Variants in TAB2 observed in about 807,000 individuals in gnomAD.
The protein encoded by TAB2 is TGF-beta-activated kinase 1 and MAP3K7-binding protein 2.
A neutral mutation model predicts 65.0 loss-of-function variants in TAB2; 3 were observed. That is an observed-to-expected ratio of 0.05 (90% CI 0.02 to 0.12). The LOEUF is 0.12. Ranked by LOEUF, TAB2 falls within the 10% of genes least tolerant of loss-of-function variation. TAB2 has a pLI of 1.00. For synonymous variants in TAB2, 298 were observed against 285.1 expected (o/e 1.05, Z -0.46); for missense variants, 623 against 840.3 (o/e 0.74, Z 3.20).
At chr6:149,232,075 G>A (rs1363072943) in intron 1 of TAB2, among the ~76,000 whole-genome samples, 1 of 152,172 alleles carries the variant, frequency 6.6e-6, no homozygotes, top group African/African-American at 2.4e-5. Flanking sequence ...GGAAAACTCT[G>A]TGAACTTACA....
intron 1 of TAB2, among the ~76,000 whole-genome samples, chr6:149,349,455 T>G (rs1484993135): frequency 6.6e-6 from 1 of 151,786 alleles, no homozygotes; most frequent in Non-Finnish European, 1.5e-5. Context: ...AAGAAAGAGT[T>G]TTTTGAAATC....
At chr6:149,294,230 T>C (rs1199229544) in intron 1 of TAB2, among the ~76,000 whole-genome samples, 1 of 152,170 alleles carries the variant, frequency 6.6e-6, no homozygotes, top group Non-Finnish European at 1.5e-5. Flanking sequence ...CTTGGTAGGA[T>C]TGGTTCCTAC....
chr6:149,309,694 C>G (rs1161821765), intron 1 of TAB2, among the ~76,000 whole-genome samples: 2 of 142,044 alleles, frequency 1.4e-5, no homozygotes, highest in Non-Finnish European at 3.0e-5. Flanking sequence ...ACCACGCCTG[C>G]CCTCAATTAT....
rs555645030 is a variant in TAB2 at position 149,243,431 on chromosome 6, A to T, written c.-121+24655A>T. The T allele has an allele frequency of 2.0e-5, 3 of 152,372 alleles. No homozygotes were observed. In the South Asian group the frequency reaches 6.2e-4, roughly 32 times the overall value. The allele number at this position is 152,372 out of a possible 1,614,324, so 9.4% of individuals were successfully genotyped here. The stretch of plus-strand genomic sequence containing the variant: ...GTAGACTAGTCAGAAGTCTTGATGA[A>T]TGTTGAAGGAGACATCATGGTAATT... On this transcript the variant is annotated intron_variant, in intron 1 of 1. Coordinates refer to the TAB2 transcript ENST00000606202.
chr6:149,250,867 A>G (rs1777844965), intron 1 of TAB2, among the ~76,000 whole-genome samples: 1 of 152,184 alleles, frequency 6.6e-6, no homozygotes, highest in Admixed American at 6.5e-5. Flanking sequence ...CTTGTTTAAC[A>G]TATTCACCTG....
intron 1 of TAB2, among the ~76,000 whole-genome samples, chr6:149,308,436 G>A (rs1779106809): frequency 6.6e-6 from 1 of 152,122 alleles, no homozygotes; most frequent in African/African-American, 2.4e-5. Flanking sequence ...AGTTTTGTTA[G>A]AGTGAAATTG....
At chr6:149,393,408 TG>T (rs376995322) in intron 3 of TAB2, among the ~76,000 whole-genome samples, 12 of 152,348 alleles carry the variant, frequency 7.9e-5, no homozygotes, top group South Asian at 2.1e-4. Context: ...AAAACCCCTT[TG>T]TGAATTTCTA....
At chr6:149,291,134 T>C (rs912996805) in intron 1 of TAB2, among the ~76,000 whole-genome samples, 8 of 152,262 alleles carry the variant, frequency 5.3e-5, no homozygotes, top group African/African-American at 1.9e-4. Context: ...GTTCCTGCTT[T>C]AGGCAGAACA....
chr6:149,271,444 G>A (rs989920857), intron 1 of TAB2, among the ~76,000 whole-genome samples: 1 of 152,032 alleles, frequency 6.6e-6, no homozygotes, highest in African/African-American at 2.4e-5. Context: ...TATTACCCTC[G>A]GGCCTATTGT....
intron 1 of TAB2, among the ~76,000 whole-genome samples, chr6:149,339,830 C>A (rs1172549245): frequency 6.6e-6 from 1 of 152,034 alleles, no homozygotes; most frequent in Non-Finnish European, 1.5e-5. Flanking sequence ...AACTCCTGAC[C>A]TCACTCAGGT....
chr6:149,369,072 T>C (rs947866589), intron 1 of TAB2, among the ~76,000 whole-genome samples: 1 of 152,182 alleles, frequency 6.6e-6, no homozygotes, highest in Admixed American at 6.5e-5. Flanking sequence ...ATTGTCTTCT[T>C]ATGAAATTTG....
At chr6:149,249,591 T>C (rs934269272) in intron 1 of TAB2, among the ~76,000 whole-genome samples, 1 of 152,026 alleles carries the variant, frequency 6.6e-6, no homozygotes, top group Non-Finnish European at 1.5e-5. Context: ...TCTGTCTCCC[T>C]CTCTCTTTCT....
At chr6:149,253,921 CGAAAGAAA>C (rs375406263) in intron 1 of TAB2, among the ~76,000 whole-genome samples, 3 of 74,922 alleles carry the variant, frequency 4.0e-5, no homozygotes, top group African/African-American at 1.3e-4. Flanking sequence ...GACTCCATCT[CGAAAGAAA>C]GAAAGAAAGA....
rs267607100 is a variant in TAB2 at position 149,378,603 on chromosome 6, C to A, written c.688C>A (p.Gln230Lys). Residue 230 changes from glutamine to lysine, a missense_variant, in exon 3 of 7, where the codon CAA becomes AAA. Gln to Lys is a moderately conservative substitution (Grantham distance 53). Transcript: ENST00000637181. ...TTPGGTTRQT[Q>K]QHSGWVSQFN... ...TCCTGGTGGTACAACTCGACAGACA[C>A]AACAGCATTCTGGCTGGGTATCTCA... The A allele has an allele frequency of 1.2e-5, 19 of 1,613,450 alleles. No individual in the cohort carries two copies. The highest frequency in any genetic ancestry group is 1.5e-5 in the Non-Finnish European group (18 of 1,180,038).
At chr6:149,329,381 G>A (rs1340824170) in intron 1 of TAB2, among the ~76,000 whole-genome samples, 1 of 152,182 alleles carries the variant, frequency 6.6e-6, no homozygotes, top group African/African-American at 2.4e-5. Context: ...GATCACACAT[G>A]CCCTGGGTGC....
intron 3 of TAB2, among the ~76,000 whole-genome samples, chr6:149,383,567 T>C (rs1781689388): frequency 6.6e-6 from 1 of 152,256 alleles, no homozygotes; most frequent in African/African-American, 2.4e-5. Context: ...TTGATCCAGA[T>C]TGACCTATCA....
chr6:149,328,308 G>A (rs969485616), intron 1 of TAB2, among the ~76,000 whole-genome samples: 2 of 152,122 alleles, frequency 1.3e-5, no homozygotes, highest in African/African-American at 2.4e-5. Flanking sequence ...TGTTTGTTTT[G>A]TTTGAGAGGG....
At chr6:149,239,881 A>AC (rs746088821) in intron 1 of TAB2, among the ~76,000 whole-genome samples, 3 of 152,160 alleles carry the variant, frequency 2.0e-5, no homozygotes, top group Non-Finnish European at 2.9e-5. Context: ...CAACAGGTAA[A>AC]CTTGACCTAT....
At chr6:149,372,800 A>G (rs1302303577) in intron 2 of TAB2, among the ~76,000 whole-genome samples, 1 of 152,266 alleles carries the variant, frequency 6.6e-6, no homozygotes, top group East Asian at 1.9e-4. Context: ...CTGGGGTGCA[A>G]GTTTTCCCAA....
Sources: allele counts gnomAD v4.1 joint callset (sites outside exome capture counted in the v4.1 genomes callset), GRCh38; gene constraint gnomAD v4.1.1; transcripts MANE v1.5; gene names NCBI Gene and HGNC (gene_info 2026-07-23, HGNC 2026-07-21).